SCN10A: variants seen among roughly 807,000 people sequenced by gnomAD.
SCN10A encodes the protein sodium voltage-gated channel alpha subunit 10.
Under a neutral mutation model 170.7 loss-of-function variants are expected in SCN10A, and 162 were observed. The ratio of observed to expected loss-of-function variants is 0.95; its 90% CI spans 0.84 to 1.08. The LOEUF (loss-of-function observed/expected upper bound fraction) is 1.08, where lower values mean the gene tolerates loss of function less well. Ranked by LOEUF, SCN10A falls within the 50% of genes least tolerant of loss-of-function variation. The pLI, the probability that SCN10A is intolerant of heterozygous loss-of-function variation, is 0.00. For missense variants in SCN10A, 2,527 were observed against 2,436.9 expected (o/e 1.04, Z -0.78); for synonymous variants, 985 against 904.6 (o/e 1.09, Z -1.59).
chr3:38,723,225 T>G (rs539807168), intron 19 of SCN10A, among the ~76,000 whole-genome samples: 34 of 152,302 alleles, frequency 2.2e-4, no homozygotes, highest in African/African-American at 7.9e-4. Flanking sequence ...CCGTAGTGTC[T>G]GATAGGGCAT....
At chr3:38,725,050 T>C (rs2063437740) in intron 18 of SCN10A, 124 bp downstream of exon 18, 2 of 832,830 alleles carry the variant, frequency 2.4e-6, no homozygotes, top group South Asian at 6.5e-5. Flanking sequence ...GGATAAGAAA[T>C]GAGGTTATGT....
chr3:38,727,031 G>A lies in SCN10A; in HGVS notation c.2662C>T (p.Leu888=). 6.2e-7 allele frequency: 1 copy of A among 1,612,312 alleles called. No homozygotes were observed. The highest frequency in any genetic ancestry group is 8.5e-7 in the Non-Finnish European group (1 of 1,178,424). The change falls in exon 17 of 28, where the codon CTG becomes TTG. Residue 888 remains leucine (L), a synonymous_variant. Coordinates refer to ENST00000449082, the MANE Select transcript of SCN10A (RefSeq NM_006514.4). ...TCAGCACTGAAAGAGTTCAATAGCA[G>A]GGCGATGAACAGGTTAAGCACCTGA... ...NLVVLNLFIA[L]LLNSFSADNL...
intron 11 of SCN10A, among the ~76,000 whole-genome samples, chr3:38,753,055 A>G (rs188190842): frequency 1.7e-3 from 260 of 152,356 alleles, no homozygotes; most frequent in African/African-American, 5.8e-3. Context: ...CAAGAGCTGT[A>G]CAGTGCAATG....
rs1412957493 is a variant in SCN10A, at chr3:38,718,601, G to A, written c.3681+52C>T. 4 of 1,585,456 alleles carry A rather than the reference G, an allele frequency of 2.5e-6. No homozygotes were observed. The African/African-American group carries it at 4.0e-5, about 16-fold the overall frequency. On this transcript the variant is annotated intron_variant, in intron 21 of 27. Transcript: ENST00000449082. ...GCTTCCTTTGCCCTAGCTGTAGCCA[G>A]GAGTCAGAGGGGAGGACCCCAAACC...
At position 38,739,667 on chromosome 3, in the gene SCN10A, C is replaced by T; in HGVS notation, c.2128G>A (p.Ala710Thr). Residue 710 changes from alanine (A) to threonine (T), a missense_variant, in exon 15 of 28, where the codon GCT becomes ACT. By Grantham distance (58) the Ala-to-Thr change is moderately conservative. Coordinates refer to ENST00000449082, the MANE Select transcript of SCN10A (RefSeq NM_006514.4). ...GNIVFTIFFT[A>T]EMVFKIIAFD... ...GCAATGATTTTGAAGACCATTTCAG[C>T]AGTAAAAAATATGGTAAAGACCTAG... 6.2e-7 allele frequency: 1 copy of T among 1,613,878 alleles called. No individual in the cohort carries two copies. Among genetic ancestry groups the T allele is most frequent in the Non-Finnish European group, 8.5e-7 (1 of 1,179,870 alleles).
chr3:38,786,974 C>T (rs1409502368), intron 4 of SCN10A, among the ~76,000 whole-genome samples: 1 of 152,112 alleles, frequency 6.6e-6, no homozygotes, highest in Non-Finnish European at 1.5e-5. Flanking sequence ...ATTTCTTCCT[C>T]AAAAGTTTCT....
At chr3:38,815,321 C>CA (rs1257164405) in intron 1 of SCN10A, among the ~76,000 whole-genome samples, 1 of 152,192 alleles carries the variant, frequency 6.6e-6, no homozygotes, top group Non-Finnish European at 1.5e-5. Context: ...AAAAGTTTCT[C>CA]AACCTTGTTG....
intron 1 of SCN10A, among the ~76,000 whole-genome samples, chr3:38,809,452 A>G (rs2064425696): frequency 6.6e-6 from 1 of 152,220 alleles, no homozygotes; most frequent in African/African-American, 2.4e-5. Flanking sequence ...ATGGGGTTAG[A>G]TGGCAAGACA....
At chr3:38,742,176 G>A (rs1038454578) in intron 14 of SCN10A, 115 bp downstream of exon 14, 9 of 715,174 alleles carry the variant, frequency 1.3e-5, no homozygotes, top group Non-Finnish European at 2.2e-5. Context: ...TCAGCTAACT[G>A]GCTCAACACA....
chr3:38,725,226 G>A lies in SCN10A; in HGVS notation c.3176C>T (p.Pro1059Leu), dbSNP rs2063440390. The change falls in exon 18 of 28, where the codon CCA (proline) becomes CTA (leucine). Residue 1059 changes from proline (P) to leucine (L), a missense_variant. By Grantham distance (98) the Pro-to-Leu change is moderately conservative (BLOSUM62 -3). Coordinates refer to ENST00000449082, the MANE Select transcript of SCN10A (RefSeq NM_006514.4). ...ATCTTTCCACGTCTCACCCAGGGAT[G>A]GAGCCAGGTCCTCAGAAGATGTTCC... ...GTGTSSEDLA[P>L]SLGETWKDES... is the part of the protein sequence containing the mutation. 2 of 1,606,874 alleles carry A rather than the reference G, an allele frequency of 1.2e-6. No homozygotes were observed. Among genetic ancestry groups the A allele is most frequent in the Admixed American group, 1.7e-5 (1 of 59,770 alleles).
chr3:38,763,285 G>T (rs984135646), intron 6 of SCN10A, among the ~76,000 whole-genome samples: 7 of 152,186 alleles, frequency 4.6e-5, no homozygotes, highest in African/African-American at 7.2e-5. Flanking sequence ...TGTGGGAAGA[G>T]CACTGGCCTA....
intron 1 of SCN10A, among the ~76,000 whole-genome samples, chr3:38,807,528 T>C (rs2064412096): frequency 6.6e-6 from 1 of 152,148 alleles, no homozygotes; most frequent in Non-Finnish European, 1.5e-5. Flanking sequence ...GCCGCTCTAT[T>C]TTTCTTGAAA....
chr3:38,731,344 C>A (rs1196901029), intron 15 of SCN10A, among the ~76,000 whole-genome samples: 3 of 152,120 alleles, frequency 2.0e-5, no homozygotes, highest in Non-Finnish European at 1.5e-5. Context: ...AAAGGAGGTA[C>A]TTCAGGTAGA....
intron 16 of SCN10A, among the ~76,000 whole-genome samples, chr3:38,728,093 G>T (rs2063476489): frequency 6.6e-6 from 1 of 152,128 alleles, no homozygotes; most frequent in African/African-American, 2.4e-5. Context: ...ATTGGGGAAG[G>T]ACATTTTTCC....
Position 38,793,759 on chromosome 3 carries a change from C to A in SCN10A, c.252G>T (p.Pro84=). The change falls in exon 2 of 28, where the codon CCG becomes CCT. Residue 84 remains proline, a synonymous_variant. Transcript: ENST00000449082. ...CTCTTACCCGGTGTGTGCTGTAGAA[C>A]GGATCTAGATCCTCCAGGGGCTCCC... ...LIGEPLEDLD[P]FYSTHRTFMV... 2 of 1,613,848 alleles carry A rather than the reference C, an allele frequency of 1.2e-6. No individual in the cohort carries two copies. Among genetic ancestry groups the A allele is most frequent in the Non-Finnish European group, 1.7e-6 (2 of 1,179,864 alleles).
intron 1 of SCN10A, among the ~76,000 whole-genome samples, chr3:38,803,770 C>A (rs568494625): frequency 6.6e-6 from 1 of 152,032 alleles, no homozygotes; most frequent in Non-Finnish European, 1.5e-5. Flanking sequence ...GCACATTGTG[C>A]GCATGTACCC....
rs2064317862 is a variant in SCN10A, at chr3:38,793,870, T to G, written c.141A>C (p.Gln47His). 6.2e-7 allele frequency: 1 copy of G among 1,613,982 alleles called. No individual in the cohort carries two copies. The highest frequency in any genetic ancestry group is 1.1e-5 in the South Asian group (1 of 91,090). ...AREKHREQKD[Q>H]EEKPRPQLDL... ...CCAGCTGGGGCCGAGGCTTCTCTTC[T>G]TGGTCCTTCTGCTCCCTATGCTTCT... The change falls in exon 2 of 28, where the codon CAA becomes CAC. Residue 47 changes from glutamine (Q) to histidine (H), a missense_variant. Physicochemically the swap from Gln to His is conservative, Grantham distance 24 (BLOSUM62 0). Transcript: ENST00000449082.
chr3:38,706,160 C>G (rs1481237511), intron 26 of SCN10A, among the ~76,000 whole-genome samples: 1 of 152,222 alleles, frequency 6.6e-6, no homozygotes, highest in Non-Finnish European at 1.5e-5. Context: ...TTTCAAAATA[C>G]AGTGTCAAAA....
intron 14 of SCN10A, 112 bp downstream of exon 14, chr3:38,742,179 T>A (rs778720482): frequency 1.4e-5 from 10 of 733,666 alleles, no homozygotes; most frequent in Non-Finnish European, 2.3e-5. Context: ...GCTAACTGGC[T>A]CAACACACTA....
Sources: allele counts gnomAD v4.1 joint callset (sites outside exome capture counted in the v4.1 genomes callset), GRCh38; gene constraint gnomAD v4.1.1; transcripts MANE v1.5; gene names NCBI Gene and HGNC (gene_info 2026-07-23, HGNC 2026-07-21).